The following ARHGAP28 variants were observed in gnomAD, a reference collection of about 807,000 sequenced individuals.
ARHGAP28 encodes Rho GTPase activating protein 28.
Under a neutral mutation model 90.7 loss-of-function variants are expected in ARHGAP28, and 56 were observed. The ratio of observed to expected loss-of-function variants is 0.62; its 90% CI spans 0.50 to 0.77. The LOEUF is 0.77. Ranked by LOEUF, ARHGAP28 falls within the 30% of genes least tolerant of loss-of-function variation. The pLI is 0.00. For missense variants in ARHGAP28, 869 were observed against 900.9 expected (o/e 0.96, Z 0.45); for synonymous variants, 308 against 323.3 (o/e 0.95, Z 0.51).
intron 2 of ARHGAP28, among the ~76,000 whole-genome samples, chr18:6,827,486 C>T (rs1463667661): frequency 3.6e-5 from 5 of 137,796 alleles, no homozygotes; most frequent in African/African-American, 8.1e-5. Context: ...CCAGTAGGGG[C>T]GGCCGGGCAG....
At chr18:6,854,827 C>G (rs776873263) in intron 4 of ARHGAP28, among the ~76,000 whole-genome samples, 3 of 152,188 alleles carry the variant, frequency 2.0e-5, no homozygotes, top group Non-Finnish European at 2.9e-5. Flanking sequence ...AACCCCTCCT[C>G]CCATAGGCTT....
intron 1 of ARHGAP28, among the ~76,000 whole-genome samples, chr18:6,793,231 G>T (rs955713297): frequency 6.6e-6 from 1 of 152,110 alleles, no homozygotes; most frequent in Non-Finnish European, 1.5e-5. Context: ...GTCCATCATT[G>T]CAATGGGCGG....
chr18:6,901,366 A>T (rs1456369159), intron 16 of ARHGAP28, among the ~76,000 whole-genome samples: 1 of 152,042 alleles, frequency 6.6e-6, no homozygotes, highest in Admixed American at 6.6e-5. Flanking sequence ...GTGCACCCCC[A>T]CTCCCTAAGT....
Position 6,868,148 on chromosome 18 carries a change from A to G in ARHGAP28, c.727-2A>G. 3.1e-6 allele frequency: 5 copies of G among 1,613,088 alleles called. No individual in the cohort carries two copies. The highest frequency in any genetic ancestry group is 4.2e-6 in the Non-Finnish European group (5 of 1,179,200). On this transcript the variant is annotated splice_acceptor_variant, in intron 5 of 17. Coordinates refer to ENST00000383472, the MANE Select transcript of ARHGAP28 (RefSeq NM_001366230.1). LOFTEE classifies it high-confidence loss of function. ...TTGTGTTCATCTTCCTTTGCTTGGCAGGCTATACTTGAGACCATTCCAGTT... is the reference window on the plus strand; with the variant it reads ...TTGTGTTCATCTTCCTTTGCTTGGCGGGCTATACTTGAGACCATTCCAGTT...
chr18:6,738,080 G>T (rs1303709514), intron 1 of ARHGAP28, among the ~76,000 whole-genome samples: 3 of 152,108 alleles, frequency 2.0e-5, no homozygotes, highest in Non-Finnish European at 4.4e-5. Flanking sequence ...GATGATGACT[G>T]CATACAAACA....
intron 5 of ARHGAP28, among the ~76,000 whole-genome samples, chr18:6,862,749 A>G (rs2057008476): frequency 6.6e-6 from 1 of 152,208 alleles, no homozygotes; most frequent in Non-Finnish European, 1.5e-5. Context: ...AATATTGGAG[A>G]GAGAATCCAC....
At chr18:6,774,286 G>C (rs1320385023) in intron 1 of ARHGAP28, 2 of 152,184 alleles carry the variant, frequency 1.3e-5, no homozygotes, top group African/African-American at 4.8e-5. Context: ...TCTTTCTGCA[G>C]ACTAGTTCTT....
At chr18:6,735,934 T>A (rs1286043840) in intron 1 of ARHGAP28, among the ~76,000 whole-genome samples, 2 of 152,320 alleles carry the variant, frequency 1.3e-5, no homozygotes, top group Admixed American at 6.5e-5. Context: ...GTATGCGACG[T>A]TGACATCTTA....
chr18:6,735,371 T>G (rs2055916428), intron 1 of ARHGAP28, among the ~76,000 whole-genome samples: 1 of 152,174 alleles, frequency 6.6e-6, no homozygotes. Context: ...AATCGGAATT[T>G]TCCTGTTGTA....
intron 3 of ARHGAP28, among the ~76,000 whole-genome samples, chr18:6,839,646 C>A (rs978132624): frequency 7.2e-5 from 11 of 152,154 alleles, no homozygotes; most frequent in African/African-American, 2.4e-4. Flanking sequence ...TCAGCCTCCC[C>A]CTTCACTTGC....
intron 1 of ARHGAP28, among the ~76,000 whole-genome samples, chr18:6,733,825 T>C (rs2055903536): frequency 6.6e-6 from 1 of 152,196 alleles, no homozygotes; most frequent in Non-Finnish European, 1.5e-5. Flanking sequence ...GATTTGATAT[T>C]ACAACAACAA....
chr18:6,839,667 G>A (rs2056789386), intron 3 of ARHGAP28, among the ~76,000 whole-genome samples: 1 of 152,152 alleles, frequency 6.6e-6, no homozygotes, highest in African/African-American at 2.4e-5. Context: ...ATTTTATTTG[G>A]TGTTTGAAGA....
At chr18:6,890,175 T>C (rs2057253775) in intron 13 of ARHGAP28, 90 bp downstream of exon 13, 7 of 1,431,282 alleles carry the variant, frequency 4.9e-6, no homozygotes, top group South Asian at 1.2e-5. Flanking sequence ...CCCTTGGTCA[T>C]AGGGAAGAAA....
intron 1 of ARHGAP28, among the ~76,000 whole-genome samples, chr18:6,809,981 T>G (rs1402409727): frequency 2.0e-5 from 3 of 152,196 alleles, no homozygotes; most frequent in Non-Finnish European, 2.9e-5. Flanking sequence ...AAATAAATTT[T>G]TAGTCTTCTC....
At chr18:6,787,826 G>A (rs540557455) in intron 1 of ARHGAP28, among the ~76,000 whole-genome samples, 1 of 152,338 alleles carries the variant, frequency 6.6e-6, no homozygotes, top group South Asian at 2.1e-4. Context: ...ATTTCTTAAT[G>A]TAAAAGTTTA....
At chr18:6,839,375 G>C (rs531252122) in intron 3 of ARHGAP28, among the ~76,000 whole-genome samples, 4 of 148,844 alleles carry the variant, frequency 2.7e-5, no homozygotes, top group South Asian at 2.1e-4. Context: ...CTCACTGCAA[G>C]CTCCGCCTCC....
intron 1 of ARHGAP28, among the ~76,000 whole-genome samples, chr18:6,777,248 A>C (rs781186586): frequency 1.3e-5 from 2 of 152,212 alleles, no homozygotes; most frequent in Non-Finnish European, 2.9e-5. Context: ...TTGTGAATCT[A>C]TCTAATATAG....
intron 1 of ARHGAP28, among the ~76,000 whole-genome samples, chr18:6,753,277 A>G (rs1349342998): frequency 6.6e-6 from 1 of 152,242 alleles, no homozygotes; most frequent in Non-Finnish European, 1.5e-5. Flanking sequence ...TAGGAAAATT[A>G]GTTTGAGATG....
chr18:6,817,524 T>G (rs2056599736), intron 1 of ARHGAP28, among the ~76,000 whole-genome samples: 1 of 152,210 alleles, frequency 6.6e-6, no homozygotes, highest in Non-Finnish European at 1.5e-5. Flanking sequence ...GGAATGATTT[T>G]GGCTGCAAAT....
Sources: gnomAD v4.1 joint callset for allele counts (sites outside exome capture counted in the v4.1 genomes callset) on GRCh38, gnomAD v4.1.1 for gene constraint, MANE v1.5 for transcripts, NCBI Gene and HGNC (gene_info 2026-07-23, HGNC 2026-07-21) for gene names.